The following HAPLN1 variants were observed in gnomAD, a reference collection of about 807,000 sequenced individuals.
HAPLN1 encodes the protein hyaluronan and proteoglycan link protein 1.
In HAPLN1, 13 loss-of-function variants were observed where a neutral mutation model predicts 36.5. The observed-to-expected ratio is 0.36, with a 90% confidence interval of 0.23 to 0.57. HAPLN1 has a LOEUF of 0.57. Ranked by LOEUF, HAPLN1 falls within the 20% of genes least tolerant of loss-of-function variation. The pLI, the probability that HAPLN1 is intolerant of heterozygous loss-of-function variation, is 0.83. For missense variants in HAPLN1, 407 were observed against 439.7 expected, an observed-to-expected ratio of 0.93 and a Z score of 0.66; for synonymous variants, 202 against 169.8, an observed-to-expected ratio of 1.19 and a Z score of -1.48.
Position 83,652,452 on chromosome 5 carries a change from C to G in HAPLN1, c.472+1G>C. 6.2e-7 allele frequency: 1 copy of G among 1,610,720 alleles called. No individual in the cohort carries two copies. Among genetic ancestry groups the G allele is most frequent in the Non-Finnish European group, 8.5e-7 (1 of 1,178,154 alleles). On this transcript the variant is annotated splice_donor_variant, in intron 3 of 4. Transcript: ENST00000274341. LOFTEE classifies it high-confidence loss of function. ...GTTGAACATGACTTATAGATACATA[C>G]CTTGTAAGTCCAGTGCTACCACAAC...
intron 1 of HAPLN1, among the ~76,000 whole-genome samples, chr5:83,712,181 G>A (rs188128634): frequency 6.6e-6 from 1 of 152,096 alleles, no homozygotes; most frequent in Non-Finnish European, 1.5e-5. Flanking sequence ...ACCTCAAAGT[G>A]TCACAAGGTG....
At chr5:83,699,996 C>G (rs571030102) in intron 1 of HAPLN1, among the ~76,000 whole-genome samples, 3 of 152,026 alleles carry the variant, frequency 2.0e-5, no homozygotes, top group Non-Finnish European at 4.4e-5. Flanking sequence ...GAGATGGAGA[C>G]CATCCTGGCC....
intron 4 of HAPLN1, among the ~76,000 whole-genome samples, chr5:83,642,993 G>A (rs998775452): frequency 2.0e-5 from 3 of 152,042 alleles, no homozygotes; most frequent in Admixed American, 1.3e-4. Context: ...CATATGGCCA[G>A]CAAAGCCAAA....
intron 2 of HAPLN1, among the ~76,000 whole-genome samples, chr5:83,657,277 T>A (rs1054443919): frequency 1.3e-5 from 2 of 151,932 alleles, no homozygotes; most frequent in African/African-American, 2.4e-5. Flanking sequence ...TTGTATTTTT[T>A]AGTAGAGATG....
chr5:83,644,312 T>A, intron 4 of HAPLN1, 51 bp downstream of exon 4: 1 of 1,321,186 alleles, frequency 7.6e-7, no homozygotes, highest in Non-Finnish European at 1.0e-6. Context: ...AGTGTTATAG[T>A]ATGGAATAGT....
Position 83,641,638 on chromosome 5 carries a change from C to G in HAPLN1, c.923G>C (p.Trp308Ser). The stretch of plus-strand genomic sequence containing the variant: ...GTAGCGGACGCTGCCATCCGCCAAC[C>G]AGCCCGCATCACAGCGGTCATATCC... ...ILGYDRCDAG[W>S]LADGSVRYPI... The change falls in exon 5 of 5, where the codon TGG becomes TCG. Residue 308 changes from tryptophan (W) to serine (S), a missense_variant. By Grantham distance (177) the Trp-to-Ser change is radical. Transcript: ENST00000274341. The G allele has an allele frequency of 1.2e-6, 2 of 1,614,198 alleles. No homozygotes were observed. The highest frequency in any genetic ancestry group is 1.7e-6 in the Non-Finnish European group (2 of 1,180,044).
At chr5:83,718,093 C>CTAAA (rs1320114326) in intron 1 of HAPLN1, among the ~76,000 whole-genome samples, 1 of 152,168 alleles carries the variant, frequency 6.6e-6, no homozygotes, top group Admixed American at 6.5e-5. Context: ...ACCTGTCTGT[C>CTAAA]TAAAACAAAT....
At chr5:83,698,589 A>G (rs1421496670) in intron 1 of HAPLN1, among the ~76,000 whole-genome samples, 1 of 152,188 alleles carries the variant, frequency 6.6e-6, no homozygotes, top group East Asian at 1.9e-4. Flanking sequence ...TTCCCCTAGT[A>G]GTAGTTCATG....
At chr5:83,644,689 G>C in intron 3 of HAPLN1, 24 bp from the exon 4 acceptor site, 1 of 1,389,504 alleles carries the variant, frequency 7.2e-7, no homozygotes, top group Non-Finnish European at 9.4e-7. Context: ...AAAGCAAGGA[G>C]TTGTTAGAAG....
intron 2 of HAPLN1, among the ~76,000 whole-genome samples, chr5:83,666,918 A>G (rs1025721423): frequency 1.3e-5 from 2 of 152,162 alleles, no homozygotes; most frequent in African/African-American, 4.8e-5. Flanking sequence ...AGGACACACA[A>G]ATACAAAGAA....
At chr5:83,656,215 C>A in intron 2 of HAPLN1, among the ~76,000 whole-genome samples, 1 of 150,476 alleles carries the variant, frequency 6.6e-6, no homozygotes, top group African/African-American at 2.5e-5. Context: ...ATAGTCCCAG[C>A]TACTCGGGAG....
At chr5:83,667,648 A>G (rs917041542) in intron 2 of HAPLN1, among the ~76,000 whole-genome samples, 1 of 152,166 alleles carries the variant, frequency 6.6e-6, no homozygotes, top group African/African-American at 2.4e-5. Context: ...TGGGAGAGAG[A>G]AAATTAAGAC....
At chr5:83,704,242 G>T (rs1167731346) in intron 1 of HAPLN1, among the ~76,000 whole-genome samples, 1 of 152,048 alleles carries the variant, frequency 6.6e-6, no homozygotes, top group African/African-American at 2.4e-5. Flanking sequence ...TGTCTTACAA[G>T]AGATCTTGAA....
chr5:83,708,935 G>A (rs1471537782), intron 1 of HAPLN1, among the ~76,000 whole-genome samples: 12 of 152,018 alleles, frequency 7.9e-5, no homozygotes, highest in African/African-American at 2.4e-4. Flanking sequence ...GGAGTGCAGC[G>A]GCGTGATCTC....
At chr5:83,686,142 CAAAAAAAAAA>C (rs535353958) in intron 1 of HAPLN1, 1 of 81,642 alleles carries the variant, frequency 1.2e-5, no homozygotes. Context: ...AAAATGTAGC[CAAAAAAAAAA>C]AAAAAAAAAA....
intron 1 of HAPLN1, among the ~76,000 whole-genome samples, chr5:83,695,028 G>A (rs72772929): frequency 0.015 from 2,236 of 152,140 alleles, 41 homozygotes; most frequent in East Asian, 0.1. Flanking sequence ...CAAAATTTTA[G>A]CAAATCTAAT....
At chr5:83,692,819 C>A (rs1751311000) in intron 1 of HAPLN1, among the ~76,000 whole-genome samples, 1 of 151,720 alleles carries the variant, frequency 6.6e-6, no homozygotes, top group African/African-American at 2.4e-5. Flanking sequence ...AAGCAAAATG[C>A]ATGACAACTG....
At chr5:83,652,865 T>C in intron 2 of HAPLN1, 41 bp from the exon 3 acceptor site, 1 of 1,475,590 alleles carries the variant, frequency 6.8e-7, no homozygotes, top group South Asian at 1.4e-5. Flanking sequence ...TAACTATTAA[T>C]ATACTTTCAG....
intron 1 of HAPLN1, among the ~76,000 whole-genome samples, chr5:83,706,338 T>C (rs565719567): frequency 6.6e-6 from 1 of 152,276 alleles, no homozygotes; most frequent in African/African-American, 2.4e-5. Flanking sequence ...CCTAACAAAA[T>C]ACTTGAAAAC....
Sources: allele counts gnomAD v4.1 joint callset (sites outside exome capture counted in the v4.1 genomes callset), GRCh38; gene constraint gnomAD v4.1.1; transcripts MANE v1.5; gene names NCBI Gene and HGNC (gene_info 2026-07-23, HGNC 2026-07-21).